Variants in FRAS1 observed in about 807,000 individuals in gnomAD.
FRAS1 encodes the protein extracellular matrix organizing protein FRAS1.
Under a neutral mutation model 435.2 loss-of-function variants are expected in FRAS1, and 290 were observed. The observed-to-expected ratio is 0.67, with a 90% confidence interval of 0.61 to 0.73. FRAS1 has a LOEUF of 0.73. Ranked by LOEUF, FRAS1 falls within the 30% of genes least tolerant of loss-of-function variation. The pLI is 0.00. For missense variants in FRAS1, 4,860 were observed against 5,001.5 expected (o/e 0.97, Z 0.85); for synonymous variants, 1,800 against 1,851.0 (o/e 0.97, Z 0.71).
intron 30 of FRAS1, 95 bp downstream of exon 30, chr4:78,400,982 A>G (rs1223804812): frequency 1.8e-6 from 2 of 1,141,146 alleles, no homozygotes; most frequent in African/African-American, 1.6e-5. Flanking sequence ...TGCAATTCCA[A>G]TGAACTGAGC....
Position 78,106,020 on chromosome 4 carries a change from G to T in FRAS1, c.108+40004G>T, listed in dbSNP as rs1208972506. On this transcript the variant is annotated intron_variant, in intron 2 of 73. Coordinates refer to ENST00000512123, the MANE Select transcript of FRAS1 (RefSeq NM_025074.7). Reference sequence around the variant, plus strand: ...CTGGAAAATCGGGTCACTCCCACCCGAATATTGCGCTTTTCAGACCGGCTT... The same window carrying T: ...CTGGAAAATCGGGTCACTCCCACCCTAATATTGCGCTTTTCAGACCGGCTT... 3.0e-5 allele frequency among the ~76,000 whole-genome samples: 4 copies of T among 133,390 alleles called. No homozygotes were observed. The East Asian group carries it at 6.1e-4, about 20-fold the overall frequency. 87.5% of individuals were successfully genotyped at this position (133,390 alleles called of 152,430 possible).
At chr4:78,338,395 G>A (rs1274346417) in intron 20 of FRAS1, among the ~76,000 whole-genome samples, 2 of 152,038 alleles carry the variant, frequency 1.3e-5, no homozygotes, top group Non-Finnish European at 2.9e-5. Flanking sequence ...GACAACAAAT[G>A]TGCATTTTTG....
chr4:78,534,513 A>G lies in FRAS1; in HGVS notation c.10990A>G (p.Thr3664Ala). ...TGTGCCAGTTGTGTATTCACTTAAC[A>G]CTGAATTTCAGCTCTGCAATAATGA... is the stretch of plus-strand genomic sequence containing the variant. Reference protein sequence around the residue: ...RPVPVVYSLNTEFQLCNNEKV... With the variant: ...RPVPVVYSLNAEFQLCNNEKV... The change falls in exon 71 of 74, where the codon ACT (threonine) becomes GCT (alanine). Residue 3664 changes from threonine to alanine, a missense_variant. Transcript: ENST00000512123. 1 of 1,613,738 alleles carries G rather than the reference A, an allele frequency of 6.2e-7. No individual in the cohort carries two copies. The highest frequency in any genetic ancestry group is 8.5e-7 in the Non-Finnish European group (1 of 1,179,730).
chr4:78,330,767 T>A (rs184638949), intron 18 of FRAS1, among the ~76,000 whole-genome samples: 1 of 152,360 alleles, frequency 6.6e-6, no homozygotes, highest in Admixed American at 6.5e-5. Flanking sequence ...ATGTTATCAA[T>A]GACAATGGTG....
chr4:78,125,593 A>G (rs1369252682), intron 2 of FRAS1, among the ~76,000 whole-genome samples: 1 of 152,018 alleles, frequency 6.6e-6, no homozygotes, highest in African/African-American at 2.4e-5. Context: ...TGTTGATGCT[A>G]TACCTTTCTG....
At position 78,257,466 on chromosome 4, in the gene FRAS1, A is replaced by G. The variant is rs946729815; in HGVS notation, c.603+2091A>G. 2.8e-4 allele frequency among the ~76,000 whole-genome samples: 42 copies of G among 152,186 alleles called. 1 individual carries two copies. The highest frequency in any genetic ancestry group is 8.8e-5 in the Non-Finnish European group (6 of 68,020). The stretch of plus-strand genomic sequence containing the variant: ...AAGGGAAACACAAGTTTATCAGTAC[A>G]AATGTATTTTCAGGTCTTGAATTCT... On this transcript the variant is annotated intron_variant, in intron 6 of 73. Transcript: ENST00000512123.
Position 78,445,517 on chromosome 4 carries a change from T to C in FRAS1, c.5666-5T>C. On this transcript the variant is annotated splice_region_variant and splice_polypyrimidine_tract_variant and intron_variant, in intron 41 of 73. Transcript: ENST00000512123. ...GGTAAAAATGCTCTCTTGATGTTGATGCAGGTGATCGTTTTGGCCCTGAAA... is the reference window on the plus strand; with the variant it reads ...GGTAAAAATGCTCTCTTGATGTTGACGCAGGTGATCGTTTTGGCCCTGAAA... 1.3e-6 allele frequency: 2 copies of C among 1,561,688 alleles called. No individual in the cohort carries two copies. Among genetic ancestry groups the C allele is most frequent in the Non-Finnish European group, 1.7e-6 (2 of 1,150,678 alleles).
chr4:78,215,093 A>T (rs1029147276), intron 2 of FRAS1, among the ~76,000 whole-genome samples: 1 of 152,198 alleles, frequency 6.6e-6, no homozygotes, highest in Admixed American at 6.5e-5. Context: ...TATCTCAGCC[A>T]TACTGTGTAA....
chr4:78,472,243 C>T lies in FRAS1; in HGVS notation c.7435C>T (p.Leu2479Phe), dbSNP rs1303696128. The change falls in exon 52 of 74, where the codon CTT becomes TTT. Residue 2479 changes from leucine to phenylalanine, a missense_variant. Leu to Phe is a conservative substitution (Grantham distance 22). Transcript: ENST00000512123. ...TMDPDTEDAQ[L>F]VYEITTGPKH... ...GGACCCAGACACCGAGGACGCGCAGCTTGTCTATGAGATAACGACGGGCCC... is the reference window on the plus strand; with the variant it reads ...GGACCCAGACACCGAGGACGCGCAGTTTGTCTATGAGATAACGACGGGCCC... The T allele has an allele frequency of 1.2e-6, 2 of 1,613,922 alleles. No homozygotes were observed. Among genetic ancestry groups the T allele is most frequent in the Non-Finnish European group, 1.7e-6 (2 of 1,179,816 alleles).
rs192884695 is a variant in FRAS1 at position 78,129,386 on chromosome 4, G to A, written c.108+63370G>A. On this transcript the variant is annotated intron_variant, in intron 2 of 73. Coordinates refer to ENST00000512123, the MANE Select transcript of FRAS1 (RefSeq NM_025074.7). The stretch of plus-strand genomic sequence containing the variant: ...ATGTTGATTAGGCGATTGCATTTTG[G>A]GGTAAACAGTTGAGGAAAATGGTCT... Among the ~76,000 whole-genome samples, 349 of 152,298 alleles carry A rather than the reference G, an allele frequency of 2.3e-3. 1 individual carries two copies. Among genetic ancestry groups the A allele is most frequent in the African/African-American group, 7.9e-3 (328 of 41,552 alleles).
At chr4:78,111,979 A>G (rs983963194) in intron 2 of FRAS1, among the ~76,000 whole-genome samples, 4 of 152,118 alleles carry the variant, frequency 2.6e-5, no homozygotes, top group African/African-American at 9.7e-5. Flanking sequence ...AAACTTAAGA[A>G]TGTATGTTTT....
intron 13 of FRAS1, 195 bp from the exon 14 acceptor site, chr4:78,286,210 T>C (rs1727589540): frequency 1.4e-6 from 1 of 706,136 alleles, no homozygotes; most frequent in Admixed American, 2.0e-5. Flanking sequence ...TGAATTCATA[T>C]ACGTAAAGCA....
rs1196588812 is a variant in FRAS1, at chr4:78,228,603, GT to G, written c.109-8904del. On this transcript the variant is annotated intron_variant, in intron 2 of 73. Transcript: ENST00000512123. ...GTGTGTGTACTACTCTAGAAGTATA[GT>G]TTCTATAGCACTCAGTAGTGGAATA... 2.6e-5 allele frequency among the ~76,000 whole-genome samples: 4 copies of G among 152,134 alleles called. No homozygotes were observed. The East Asian group carries it at 7.7e-4, about 29-fold the overall frequency.
intron 43 of FRAS1, 26 bp downstream of exon 43, chr4:78,446,906 C>G: frequency 6.3e-7 from 1 of 1,585,486 alleles, no homozygotes; most frequent in Non-Finnish European, 8.6e-7. Context: ...CTATGAAAAG[C>G]TTCTTAATTG....
intron 9 of FRAS1, among the ~76,000 whole-genome samples, chr4:78,269,256 G>A (rs1011472197): frequency 3.3e-5 from 5 of 152,166 alleles, no homozygotes; most frequent in African/African-American, 1.2e-4. Flanking sequence ...AGTCAGATAT[G>A]TAAGCAAAAA....
chr4:78,088,264 T>A (rs1194722753), intron 2 of FRAS1, among the ~76,000 whole-genome samples: 2 of 152,168 alleles, frequency 1.3e-5, no homozygotes, highest in African/African-American at 4.8e-5. Context: ...TTACACCTTA[T>A]ACAAAAATTA....
chr4:78,092,165 C>T (rs1271733482), intron 2 of FRAS1, among the ~76,000 whole-genome samples: 2 of 151,868 alleles, frequency 1.3e-5, no homozygotes, highest in Admixed American at 1.3e-4. Context: ...TTTAGGTAGA[C>T]CTGAGTTCAA....
chr4:78,336,665 C>G (rs1730182419), intron 19 of FRAS1, among the ~76,000 whole-genome samples: 1 of 151,836 alleles, frequency 6.6e-6, no homozygotes, highest in African/African-American at 2.4e-5. Flanking sequence ...TAAATAACTC[C>G]TTATCTTCTC....
chr4:78,128,102 A>G (rs1274255945), intron 2 of FRAS1, among the ~76,000 whole-genome samples: 2 of 152,064 alleles, frequency 1.3e-5, no homozygotes, highest in Admixed American at 1.3e-4. Context: ...TTATGGCTGC[A>G]TAGTATTCCG....
Sources: gnomAD v4.1 joint callset for allele counts (sites outside exome capture counted in the v4.1 genomes callset) on GRCh38, gnomAD v4.1.1 for gene constraint, MANE v1.5 for transcripts, NCBI Gene and HGNC (gene_info 2026-07-23, HGNC 2026-07-21) for gene names.